Variants in CELF4 observed in about 807,000 individuals in gnomAD.
CELF4 encodes CUGBP Elav-like family member 4, also known as CUG-BP- and ETR-3-like factor 4.
A neutral mutation model predicts 59.9 loss-of-function variants in CELF4; 18 were observed. The ratio of observed to expected loss-of-function variants is 0.30; its 90% CI spans 0.21 to 0.45. CELF4 has a LOEUF of 0.45. Ranked by LOEUF, CELF4 falls within the 20% of genes least tolerant of loss-of-function variation. The pLI is 1.00. For synonymous variants in CELF4, 261 were observed against 267.1 expected (o/e 0.98, Z 0.22); for missense variants, 456 against 689.0 (o/e 0.66, Z 3.79).
intron 2 of CELF4, among the ~76,000 whole-genome samples, chr18:37,473,074 G>C (rs1411679227): frequency 6.6e-6 from 1 of 152,154 alleles, no homozygotes; most frequent in Non-Finnish European, 1.5e-5. Flanking sequence ...CACTGGCAGA[G>C]GCTATGAGGG....
intron 1 of CELF4, among the ~76,000 whole-genome samples, chr18:37,557,151 G>C (rs1299945703): frequency 6.6e-6 from 1 of 152,246 alleles, no homozygotes; most frequent in Non-Finnish European, 1.5e-5. Flanking sequence ...GTTAAGAGGT[G>C]TGGGCAGCGG....
chr18:37,345,237 A>G (rs1251592702), intron 2 of CELF4, among the ~76,000 whole-genome samples: 1 of 152,214 alleles, frequency 6.6e-6, no homozygotes, highest in East Asian at 1.9e-4. Context: ...CCCATTCCCC[A>G]AAGAAGAACT....
chr18:37,523,947 C>T (rs1325261889), intron 1 of CELF4, among the ~76,000 whole-genome samples: 1 of 152,220 alleles, frequency 6.6e-6, no homozygotes, highest in Admixed American at 6.5e-5. Flanking sequence ...CATGTCACTA[C>T]CACTCATTTG....
At chr18:37,485,434 C>T in intron 2 of CELF4, 91 bp downstream of exon 2, 1 of 715,060 alleles carries the variant, frequency 1.4e-6, no homozygotes, top group East Asian at 7.4e-5. Flanking sequence ...GCCCTGCCGT[C>T]CTCTCCCCGC....
At chr18:37,365,085 AC>A (rs1216201508) in intron 2 of CELF4, among the ~76,000 whole-genome samples, 1 of 152,194 alleles carries the variant, frequency 6.6e-6, no homozygotes, top group African/African-American at 2.4e-5. Context: ...AGGATGGGCA[AC>A]AGCAGAGAAT....
At chr18:37,349,082 G>C (rs1447300455) in intron 2 of CELF4, among the ~76,000 whole-genome samples, 2 of 152,252 alleles carry the variant, frequency 1.3e-5, no homozygotes, top group Non-Finnish European at 2.9e-5. Flanking sequence ...GGCCTGGAGA[G>C]AGCCCTGGGA....
intron 8 of CELF4, among the ~76,000 whole-genome samples, chr18:37,267,666 C>A (rs1177779961): frequency 1.3e-5 from 2 of 152,172 alleles, no homozygotes. Flanking sequence ...GCTTTGGGAC[C>A]TTTAGTCTAG....
At chr18:37,497,651 C>CA (rs58015103) in intron 1 of CELF4, among the ~76,000 whole-genome samples, 53,910 of 117,872 alleles carry the variant, frequency 0.46, 10,552 homozygotes, top group East Asian at 0.54. Context: ...GACTCTGTCT[C>CA]AAAAAAAAAA....
chr18:37,371,068 A>G (rs1452812784), intron 2 of CELF4, among the ~76,000 whole-genome samples: 1 of 151,932 alleles, frequency 6.6e-6, no homozygotes. Flanking sequence ...CTGCCTCTGT[A>G]CTTAGATCCT....
rs2066998958 is a variant in CELF4 at position 37,253,654 on chromosome 18, G to T, written c.*44+113C>A. 1 of 732,482 alleles carries T rather than the reference G, an allele frequency of 1.4e-6. No homozygotes were observed. The highest frequency in any genetic ancestry group is 2.0e-6 in the Non-Finnish European group (1 of 489,408). 45.4% of individuals were successfully genotyped at this position (732,482 alleles called of 1,614,324 possible). On this transcript the variant is annotated intron_variant, in intron 12 of 12. Transcript: ENST00000420428. The surrounding 1 kb of genome is among the most constrained non-coding windows in gnomAD (Gnocchi z 4.5). ...GGGCGAGGAGCAGGTTGAGCCGGGC[G>T]CAGCGGGTCCAAGGCACCAGTGAGG... is the stretch of plus-strand genomic sequence containing the variant.
chr18:37,502,392 G>T (rs1011398255), intron 1 of CELF4, among the ~76,000 whole-genome samples: 7 of 152,230 alleles, frequency 4.6e-5, no homozygotes, highest in East Asian at 1.9e-4. Context: ...GAGGAAGGAA[G>T]GGGGGGCAGG....
chr18:37,336,824 G>A (rs1028687282), intron 2 of CELF4, among the ~76,000 whole-genome samples: 7 of 152,202 alleles, frequency 4.6e-5, no homozygotes, highest in Admixed American at 2.6e-4. Context: ...AAAGTCTATC[G>A]AGCTCCTGAG....
chr18:37,443,028 G>A (rs185149509), intron 2 of CELF4, among the ~76,000 whole-genome samples: 144 of 152,242 alleles, frequency 9.5e-4, no homozygotes, highest in South Asian at 3.5e-3. Flanking sequence ...ACTTCTGCAC[G>A]TGTGGCCAAA....
chr18:37,268,454 G>C (rs2078802137), intron 8 of CELF4, among the ~76,000 whole-genome samples: 1 of 152,214 alleles, frequency 6.6e-6, no homozygotes. Flanking sequence ...ATGCAAATTA[G>C]AAAAGGGTGC....
intron 3 of CELF4, among the ~76,000 whole-genome samples, chr18:37,318,145 C>T (rs1348438715): frequency 6.6e-6 from 1 of 152,128 alleles, no homozygotes; most frequent in African/African-American, 2.4e-5. Flanking sequence ...TTCGGGGACT[C>T]GTAACCTGGT....
intron 11 of CELF4, chr18:37,258,934 T>C: frequency 5.4e-6 from 3 of 553,356 alleles, no homozygotes; most frequent in East Asian, 3.0e-5. Flanking sequence ...GTTGTGTGGG[T>C]AGGGAAAGCC....
intron 2 of CELF4, among the ~76,000 whole-genome samples, chr18:37,327,087 C>G (rs377675513): frequency 1.3e-5 from 2 of 152,160 alleles, no homozygotes; most frequent in East Asian, 3.9e-4. Context: ...GTGGCTCCCT[C>G]TGGAAGGGGA....
intron 1 of CELF4, among the ~76,000 whole-genome samples, chr18:37,511,611 C>T (rs1033715371): frequency 1.1e-4 from 16 of 151,522 alleles, no homozygotes; most frequent in African/African-American, 1.5e-4. Flanking sequence ...CTGCTGTGAG[C>T]GCCAAACAGT....
At chr18:37,247,033 T>G (rs2062495605) in intron 12 of CELF4, 1 of 152,144 alleles carries the variant, frequency 6.6e-6, no homozygotes, top group Non-Finnish European at 1.5e-5. Flanking sequence ...TGATCATGAC[T>G]GGCCAATCAT....
Sources: allele counts gnomAD v4.1 joint callset (sites outside exome capture counted in the v4.1 genomes callset), GRCh38; gene constraint gnomAD v4.1.1; non-coding constraint Gnocchi (gnomAD v3.1); transcripts MANE v1.5; gene names NCBI Gene and HGNC (gene_info 2026-07-23, HGNC 2026-07-21).